The following ERCC4 variants were observed in gnomAD, a reference collection of about 807,000 sequenced individuals.
The protein encoded by ERCC4 is ERCC excision repair 4, endonuclease catalytic subunit.
ERCC4 carries 65 observed loss-of-function variants against 76.9 expected under a neutral mutation model. The ratio of observed to expected loss-of-function variants is 0.84; its 90% CI spans 0.69 to 1.04. ERCC4 has a LOEUF of 1.04. Among genes scored for constraint, ERCC4 ranks in the 50% least tolerant of loss-of-function variants. ERCC4 has a pLI of 0.00. For missense variants in ERCC4, 1,214 were observed against 1,128.2 expected (o/e 1.08, Z -1.09); for synonymous variants, 463 against 410.1 (o/e 1.13, Z -1.56).
At chr16:13,921,035 C>A (rs770174675) in intron 1 of ERCC4, among the ~76,000 whole-genome samples, 2 of 152,010 alleles carry the variant, frequency 1.3e-5, no homozygotes, top group Non-Finnish European at 2.9e-5. Context: ...ATAGGAATAA[C>A]GGGAGAGTCC....
At chr16:13,929,488 G>A (rs183209767) in intron 4 of ERCC4, among the ~76,000 whole-genome samples, 8 of 152,242 alleles carry the variant, frequency 5.3e-5, no homozygotes, top group South Asian at 2.1e-4. Context: ...ATAAGATTCC[G>A]TGCAATGGTA....
intron 10 of ERCC4, 43 bp from the exon 11 acceptor site, chr16:13,947,571 T>G (rs2032537910): frequency 3.4e-5 from 54 of 1,604,324 alleles, no homozygotes; most frequent in Non-Finnish European, 4.2e-5. Context: ...ATTCCTTCTT[T>G]GAGAGTTCTT....
In ERCC4 at chr16:13,949,189, G is replaced by C. The variant is rs2032582789; in HGVS notation, c.*842G>C. 1 of 233,212 alleles carries C rather than the reference G, an allele frequency of 4.3e-6. No individual in the cohort carries two copies. The highest frequency in any genetic ancestry group is 6.0e-5 in the East Asian group (1 of 16,582). The allele number at this position is 233,212 out of a possible 1,614,324, so 14.4% of individuals were successfully genotyped here. ...AAAGTTAATGATGAAGGAGCTCTTA[G>C]AATTCTCAATTTTTGCACATATTCA... On this transcript the variant is annotated 3_prime_UTR_variant, in exon 11 of 11. Coordinates refer to ENST00000311895, the MANE Select transcript of ERCC4 (RefSeq NM_005236.3).
intron 8 of ERCC4, 101 bp downstream of exon 8, chr16:13,935,844 A>G (rs542172824): frequency 2.2e-6 from 2 of 914,136 alleles, no homozygotes; most frequent in South Asian, 2.6e-5. Flanking sequence ...ATCCGTTACG[A>G]TGCTGCTTAT....
chr16:13,922,414 C>G, intron 2 of ERCC4: 1 of 760,956 alleles, frequency 1.3e-6, no homozygotes, highest in Non-Finnish European at 2.4e-6. Flanking sequence ...GCAGGCTTCA[C>G]AAGATCGATT....
rs371481642 is a variant in ERCC4 at position 13,941,077 on chromosome 16, G to C, written c.1904+3219G>C. 2.1e-4 allele frequency among the ~76,000 whole-genome samples: 32 copies of C among 152,230 alleles called. 1 individual carries two copies. In the East Asian group the frequency reaches 3.7e-3, roughly 17 times the overall value. On this transcript the variant is annotated intron_variant, in intron 9 of 10. Coordinates refer to ENST00000311895, the MANE Select transcript of ERCC4 (RefSeq NM_005236.3). ...AGGTACCAGATCCCATGCCATTCCT[G>C]ATTTATGCACCTGCTTCTACACATC...
intron 3 of ERCC4, 59 bp from the exon 4 acceptor site, chr16:13,927,969 C>A: frequency 1.6e-6 from 2 of 1,285,774 alleles, no homozygotes; most frequent in Non-Finnish European, 2.3e-6. Flanking sequence ...TAAACCAAGA[C>A]CAGAAATACA....
intron 1 of ERCC4, among the ~76,000 whole-genome samples, chr16:13,920,979 C>T (rs1244991475): frequency 1.3e-5 from 2 of 152,016 alleles, no homozygotes; most frequent in African/African-American, 4.8e-5. Flanking sequence ...AGGAGAGGAT[C>T]GGAGGTCGCT....
In ERCC4 at chr16:13,932,330, A is replaced by G. The variant is rs191944996; in HGVS notation, c.1102+45A>G. 5,215 of 1,572,510 alleles carry G rather than the reference A, an allele frequency of 3.3e-3. 37 individuals are homozygous for G. Among genetic ancestry groups the G allele is most frequent in the South Asian group, 0.011 (945 of 88,246 alleles). On this transcript the variant is annotated intron_variant, in intron 6 of 10. Coordinates refer to ENST00000311895, the MANE Select transcript of ERCC4 (RefSeq NM_005236.3). ...CTTTAAATGTGTTTTTTATTTCGGT[A>G]TTTGGTATGGAAATTTAAAGTGCAA... is the stretch of plus-strand genomic sequence containing the variant.
In ERCC4 at chr16:13,951,318, T is replaced by TA. The variant is rs1414905507; in HGVS notation, c.*2975dup. ...CTTATGAACTCATGTTTGGCTCTTT[T>TA]AAAACCTTTTCTAAAAGCTAGATCA... On this transcript the variant is annotated 3_prime_UTR_variant, in exon 11 of 11. Transcript: ENST00000311895. The TA allele has an allele frequency of 2.1e-5, 4 of 192,216 alleles. No individual in the cohort carries two copies. The highest frequency in any genetic ancestry group is 4.4e-5 in the Non-Finnish European group (4 of 91,940). The allele number at this position is 192,216 out of a possible 1,614,324, so 11.9% of individuals were successfully genotyped here.
chr16:13,948,399 GC>G lies in ERCC4; in HGVS notation c.*54del. On this transcript the variant is annotated 3_prime_UTR_variant, in exon 11 of 11. Transcript: ENST00000311895. ...TGCCTGTACTTTTCAGCGGCTCCTT[GC>G]CAGACATCATAGGTCATTATTAATT... 6.3e-7 allele frequency: 1 copy of G among 1,580,300 alleles called. No individual in the cohort carries two copies.
intron 10 of ERCC4, among the ~76,000 whole-genome samples, chr16:13,946,003 A>T (rs1596634829): frequency 6.6e-6 from 1 of 152,324 alleles, no homozygotes; most frequent in East Asian, 1.9e-4. Flanking sequence ...AAATCAAGAT[A>T]TCGGCATGGC....
chr16:13,948,462 A>G lies in ERCC4; in HGVS notation c.*115A>G. On this transcript the variant is annotated 3_prime_UTR_variant, in exon 11 of 11. Coordinates refer to ENST00000311895, the MANE Select transcript of ERCC4 (RefSeq NM_005236.3). ...ATTTCATTCTTTTCCAATGCTCTTA[A>G]TGATTGTACGGTGGACCAGAAGCCA... 2 of 1,278,590 alleles carry G rather than the reference A, an allele frequency of 1.6e-6. No homozygotes were observed. The highest frequency in any genetic ancestry group is 2.2e-6 in the Non-Finnish European group (2 of 894,526). The allele number at this position is 1,278,590 out of a possible 1,614,324, so 79.2% of individuals were successfully genotyped here. A position where few individuals can be genotyped will look rare whatever the true frequency, so the allele number is the denominator to read the frequency against.
intron 9 of ERCC4, chr16:13,943,943 G>C (rs941536749): frequency 1.3e-5 from 2 of 152,122 alleles, no homozygotes; most frequent in African/African-American, 4.8e-5. Context: ...TCCAAATTGC[G>C]AATCTTAGTT....
In ERCC4 at chr16:13,934,210, T is replaced by A. The variant is rs772594065; in HGVS notation, c.1121T>A (p.Val374Asp). 4 of 1,611,562 alleles carry A rather than the reference T, an allele frequency of 2.5e-6. No homozygotes were observed. ...TCTACAGAAACAAAAAAGGAACTGG[T>A]CCTAGAAAGCAACCCAAAGTGGGAG... ...KEGEETKKEL[V>D]LESNPKWEAL... The change falls in exon 7 of 11, where the codon GTC becomes GAC. Residue 374 changes from valine to aspartate, a missense_variant. Val to Asp is a radical substitution (Grantham distance 152, BLOSUM62 -3). Coordinates refer to ENST00000311895, the MANE Select transcript of ERCC4 (RefSeq NM_005236.3).
Position 13,928,107 on chromosome 16 carries a change from A to G in ERCC4, c.664A>G (p.Met222Val). 6.2e-7 allele frequency: 1 copy of G among 1,613,614 alleles called. No individual in the cohort carries two copies. The highest frequency in any genetic ancestry group is 1.1e-5 in the South Asian group (1 of 91,082). ...AATCCATGTTTCTATGACACCTACC[A>G]TGCTTGCTATACAGACTGCTATACT... ...VEIHVSMTPT[M>V]LAIQTAILDI... The change falls in exon 4 of 11, where the codon ATG becomes GTG. Residue 222 changes from methionine to valine, a missense_variant. Physicochemically the swap from Met to Val is conservative, Grantham distance 21. Transcript: ENST00000311895.
Position 13,935,664 on chromosome 16 carries a change from G to C in ERCC4, c.1732G>C (p.Val578Leu). Residue 578 changes from valine to leucine, a missense_variant, in exon 8 of 11, where the codon GTG (valine) becomes CTG (leucine). Val to Leu is a conservative substitution (Grantham distance 32). Transcript: ENST00000311895. ...ACTACATGAAGTGGAGCCAAGATAC[G>C]TGGTTCTTTATGACGCAGAGCTAAC... is the stretch of plus-strand genomic sequence containing the variant. ...RVLHEVEPRY[V>L]VLYDAELTFV... The C allele has an allele frequency of 6.2e-7, 1 of 1,614,144 alleles. No individual in the cohort carries two copies. Among genetic ancestry groups the C allele is most frequent in the Non-Finnish European group, 8.5e-7 (1 of 1,180,016 alleles).
At chr16:13,946,235 G>C (rs568925950) in intron 10 of ERCC4, among the ~76,000 whole-genome samples, 1 of 152,134 alleles carries the variant, frequency 6.6e-6, no homozygotes, top group Admixed American at 6.6e-5. Flanking sequence ...AATGCTTAAC[G>C]GAGATACATT....
rs1040445785 is a variant in ERCC4, at chr16:13,951,072, T to G, written c.*2725T>G. On this transcript the variant is annotated 3_prime_UTR_variant, in exon 11 of 11. Coordinates refer to ENST00000311895, the MANE Select transcript of ERCC4 (RefSeq NM_005236.3). ...GTGAAAGCCTCTCGCTACCACTTCC[T>G]CTTCCAACTACATAAATATATTTCA... The G allele has an allele frequency of 1.1e-5, 2 of 186,934 alleles. No homozygotes were observed. The highest frequency in any genetic ancestry group is 2.3e-5 in the Non-Finnish European group (2 of 88,584). The allele number at this position is 186,934 out of a possible 1,614,324, so 11.6% of individuals were successfully genotyped here. A position where few individuals can be genotyped will look rare whatever the true frequency, so the allele number is the denominator to read the frequency against.
Sources: allele counts gnomAD v4.1 joint callset (sites outside exome capture counted in the v4.1 genomes callset), GRCh38; gene constraint gnomAD v4.1.1; transcripts MANE v1.5; gene names NCBI Gene and HGNC (gene_info 2026-07-23, HGNC 2026-07-21).